Variants in KTN1 observed in about 807,000 individuals in gnomAD.
The protein encoded by KTN1 is kinectin.
Under a neutral mutation model 222.5 loss-of-function variants are expected in KTN1, and 130 were observed. The observed-to-expected ratio is 0.58, with a 90% CI of 0.51 to 0.68. KTN1 has a LOEUF of 0.68. Among genes scored for constraint, KTN1 ranks in the 30% least tolerant of loss-of-function variants. The pLI, the probability that KTN1 is intolerant of heterozygous loss-of-function variation, is 0.00. For synonymous variants in KTN1, 512 were observed against 496.3 expected, an observed-to-expected ratio of 1.03 and a Z score of -0.42; for missense variants, 1,508 against 1,500.4, an observed-to-expected ratio of 1.01 and a Z score of -0.08.
At chr14:55,650,286 T>C (rs773565771) in intron 22 of KTN1, 42 bp from the exon 23 acceptor site, 24 of 1,315,600 alleles carry the variant, frequency 1.8e-5, no homozygotes, top group Non-Finnish European at 2.4e-5. Context: ...TGGTGGGTCT[T>C]GGTGATTTCT....
At chr14:55,675,702 G>C in intron 40 of KTN1, 133 bp from the exon 41 acceptor site, 1 of 561,944 alleles carries the variant, frequency 1.8e-6, no homozygotes, top group Middle Eastern at 4.7e-4. Flanking sequence ...TATACATCTG[G>C]TGCAGCATAT....
chr14:55,644,204 G>T, intron 18 of KTN1: 79 of 404,806 alleles, frequency 2.0e-4, no homozygotes, highest in Middle Eastern at 5.8e-4. Context: ...GAAGAGAAAA[G>T]ATTGGTATAA....
rs557113482 is a variant in KTN1, at chr14:55,680,615, G to C, written c.4069+930G>C. 4.2e-4 allele frequency: 351 copies of C among 828,660 alleles called. 5 individuals carry two copies. In the South Asian group the frequency reaches 4.4e-3, roughly 10 times the overall value. The allele number at this position is 828,660 out of a possible 1,614,324, so 51.3% of individuals were successfully genotyped here. A position where few individuals can be genotyped will look rare whatever the true frequency, so the allele number is the denominator to read the frequency against. On this transcript the variant is annotated intron_variant, in intron 43 of 43. Transcript: ENST00000395314. ...TGGGCTATACAAGGCCTCAGGGAGA[G>C]CTTAGGTATCCTGGAAAAGTTGGGA...
At chr14:55,583,822 C>CTCAAACATGTTTGATGTTTGATGTTTCCA (rs2032307866) in intron 1 of KTN1, among the ~76,000 whole-genome samples, 2 of 152,172 alleles carry the variant, frequency 1.3e-5, no homozygotes, top group Non-Finnish European at 1.5e-5. Flanking sequence ...CGTATTTTTC[C>CTCAAACATGTTTGATGTTTGATGTTTCCA]TCAAACATGT....
intron 14 of KTN1, 85 bp from the exon 15 acceptor site, chr14:55,640,289 C>A: frequency 1.0e-6 from 1 of 952,536 alleles, no homozygotes; most frequent in Non-Finnish European, 1.6e-6. Context: ...GAGACATTTG[C>A]TTAACTCTTT....
chr14:55,658,733 ATGTT>A (rs757833003), intron 30 of KTN1, 119 bp downstream of exon 30: 3 of 626,590 alleles, frequency 4.8e-6, no homozygotes, highest in Non-Finnish European at 8.4e-6. Context: ...TGTTTTATTT[ATGTT>A]TATCAAATTT....
At chr14:55,586,418 T>TTATCA (rs147864058) in intron 1 of KTN1, among the ~76,000 whole-genome samples, 2,956 of 149,734 alleles carry the variant, frequency 0.02, 55 homozygotes, top group African/African-American at 0.051. Flanking sequence ...TTTAGGTGCA[T>TTATCA]TATCATATCA....
intron 37 of KTN1, 186 bp from the exon 38 acceptor site, chr14:55,672,444 G>A: frequency 2.0e-6 from 1 of 508,926 alleles, no homozygotes; most frequent in Admixed American, 3.7e-5. Flanking sequence ...AATGGAGTAG[G>A]TTTGGACCAC....
At chr14:55,664,162 T>G (rs1438013185) in intron 33 of KTN1, 121 bp downstream of exon 33, 1 of 647,182 alleles carries the variant, frequency 1.5e-6, no homozygotes, top group African/African-American at 1.9e-5. Flanking sequence ...TTATCCATAT[T>G]TATCATCTCT....
chr14:55,666,888 A>C (rs1023647119), intron 33 of KTN1, among the ~76,000 whole-genome samples: 3 of 151,984 alleles, frequency 2.0e-5, no homozygotes, highest in East Asian at 1.9e-4. Flanking sequence ...ATTTTCTACT[A>C]TAGGTAGTTT....
chr14:55,640,409 A>G lies in KTN1; in HGVS notation c.1950A>G (p.Glu650=). The G allele has an allele frequency of 6.2e-7, 1 of 1,608,062 alleles. No individual in the cohort carries two copies. Residue 650 remains glutamate, a synonymous_variant, in exon 15 of 44, where the codon GAA becomes GAG. Coordinates refer to ENST00000395314, the MANE Select transcript of KTN1 (RefSeq NM_001079521.2). ...ATATGAATTTCTTATTAAAAGCTGAAGTGCAGAAATTACAGGCCCTGGCAA... is the reference window on the plus strand; with the variant it reads ...ATATGAATTTCTTATTAAAAGCTGAGGTGCAGAAATTACAGGCCCTGGCAA... ...IQNMNFLLKA[E]VQKLQALANE... is the part of the protein sequence containing the mutation.
At chr14:55,590,418 AGAGTACG>A (rs2140351460) in intron 1 of KTN1, among the ~76,000 whole-genome samples, 1 of 152,368 alleles carries the variant, frequency 6.6e-6, no homozygotes, top group South Asian at 2.1e-4. Context: ...TAATATTTTA[AGAGTACG>A]TGTAAGATAT....
intron 5 of KTN1, 145 bp downstream of exon 5, chr14:55,619,457 TA>T (rs2038836842): frequency 1.4e-6 from 1 of 729,176 alleles, no homozygotes; most frequent in Admixed American, 2.4e-5. Context: ...AATTACTTTA[TA>T]TATCGTATTA....
At chr14:55,652,014 C>T in intron 25 of KTN1, 87 bp downstream of exon 25, 1 of 849,384 alleles carries the variant, frequency 1.2e-6, no homozygotes, top group Non-Finnish European at 1.9e-6. Context: ...TTCTTGATTT[C>T]AAGTGGTGTT....
At chr14:55,605,146 T>C (rs941797388) in intron 1 of KTN1, among the ~76,000 whole-genome samples, 3 of 152,246 alleles carry the variant, frequency 2.0e-5, no homozygotes, top group African/African-American at 7.2e-5. Context: ...AGTTGCGTTT[T>C]CTTATTAGTT....
intron 2 of KTN1, 87 bp downstream of exon 2, chr14:55,612,658 G>C: frequency 9.6e-7 from 1 of 1,037,900 alleles, no homozygotes; most frequent in Non-Finnish European, 1.4e-6. Flanking sequence ...TACACAGAAT[G>C]TTTAATATTG....
At chr14:55,597,708 A>G (rs954408995) in intron 1 of KTN1, among the ~76,000 whole-genome samples, 1 of 151,940 alleles carries the variant, frequency 6.6e-6, no homozygotes. Flanking sequence ...ACAAAAATTA[A>G]CAAGGCATGG....
At chr14:55,628,855 T>G (rs1266877923) in intron 6 of KTN1, among the ~76,000 whole-genome samples, 1 of 152,216 alleles carries the variant, frequency 6.6e-6, no homozygotes, top group African/African-American at 2.4e-5. Context: ...GATAATTCAT[T>G]GAGCCGCATA....
chr14:55,628,136 A>T (rs547620098), intron 6 of KTN1, 108 bp downstream of exon 6: 2 of 684,256 alleles, frequency 2.9e-6, no homozygotes, highest in African/African-American at 3.6e-5. Context: ...TTTATGTCCA[A>T]CAAAAGTAAC....
Sources: gnomAD v4.1 joint callset for allele counts (sites outside exome capture counted in the v4.1 genomes callset) on GRCh38, gnomAD v4.1.1 for gene constraint, MANE v1.5 for transcripts, NCBI Gene and HGNC (gene_info 2026-07-23, HGNC 2026-07-21) for gene names.